DCC: variants seen among roughly 807,000 people sequenced by gnomAD.
DCC encodes netrin receptor DCC.
In DCC, 58 loss-of-function variants were observed where a neutral mutation model predicts 172.5. The observed-to-expected ratio is 0.34, with a 90% CI of 0.27 to 0.42. The LOEUF is 0.42. DCC is among the 10% of genes least tolerant of loss of function. The pLI is 1.00. For synonymous variants in DCC, 709 were observed against 644.5 expected (o/e 1.10, Z -1.52); for missense variants, 1,740 against 1,791.0 (o/e 0.97, Z 0.51).
At chr18:53,078,902 A>G (rs2042760401) in intron 7 of DCC, among the ~76,000 whole-genome samples, 1 of 152,182 alleles carries the variant, frequency 6.6e-6, no homozygotes, top group Non-Finnish European at 1.5e-5. Flanking sequence ...AGAAAAGTCC[A>G]ACAGAAAAGC....
chr18:53,014,030 A>G (rs767709641), intron 5 of DCC, among the ~76,000 whole-genome samples: 4 of 152,132 alleles, frequency 2.6e-5, no homozygotes, highest in Non-Finnish European at 4.4e-5. Context: ...TTGTAACCTT[A>G]GTGAGCCATG....
chr18:52,587,895 A>T (rs971400142), intron 1 of DCC, among the ~76,000 whole-genome samples: 7 of 152,184 alleles, frequency 4.6e-5, no homozygotes, highest in Non-Finnish European at 1.0e-4. Context: ...GCAGGAGTGG[A>T]AACCATGGGC....
chr18:52,589,306 G>T (rs2033746603), intron 1 of DCC, among the ~76,000 whole-genome samples: 1 of 152,166 alleles, frequency 6.6e-6, no homozygotes, highest in African/African-American at 2.4e-5. Context: ...AAGCAAAAAA[G>T]AAATTCCAGA....
chr18:52,792,769 T>TTCCATTCC (rs368199512), intron 2 of DCC, among the ~76,000 whole-genome samples: 1 of 134,398 alleles, frequency 7.4e-6, no homozygotes, highest in Non-Finnish European at 1.6e-5. Flanking sequence ...TATTCCATTC[T>TTCCATTCC]ATTCCATTCC....
intron 1 of DCC, among the ~76,000 whole-genome samples, chr18:52,509,547 A>G (rs1374696270): frequency 6.6e-6 from 1 of 152,164 alleles, no homozygotes; most frequent in African/African-American, 2.4e-5. Context: ...TATGAGATGA[A>G]TGTCAGCCCA....
At chr18:53,191,542 T>G (rs1311438145) in intron 9 of DCC, among the ~76,000 whole-genome samples, 1 of 152,212 alleles carries the variant, frequency 6.6e-6, no homozygotes, top group Non-Finnish European at 1.5e-5. Flanking sequence ...TTACATGTAT[T>G]TGTAGCTTAT....
At chr18:53,135,497 T>C (rs1206291224) in intron 7 of DCC, among the ~76,000 whole-genome samples, 2 of 152,156 alleles carry the variant, frequency 1.3e-5, no homozygotes, top group African/African-American at 4.8e-5. Context: ...TATAATTGTC[T>C]AGGATTGCAG....
chr18:52,487,083 C>T (rs866589348), intron 1 of DCC, among the ~76,000 whole-genome samples: 3 of 152,032 alleles, frequency 2.0e-5, no homozygotes, highest in African/African-American at 4.8e-5. Context: ...CTTCCAGATA[C>T]GGTGGAATGG....
chr18:52,628,881 C>T (rs916151708), intron 1 of DCC, among the ~76,000 whole-genome samples: 1 of 152,208 alleles, frequency 6.6e-6, no homozygotes, highest in Non-Finnish European at 1.5e-5. Flanking sequence ...AGTTGGGCAT[C>T]TGTGCAAACT....
chr18:52,590,886 A>C (rs2033784139), intron 1 of DCC, among the ~76,000 whole-genome samples: 3 of 152,248 alleles, frequency 2.0e-5, no homozygotes, highest in Admixed American at 1.3e-4. Flanking sequence ...CCTAGTTAAA[A>C]GACCATTAAG....
chr18:52,403,035 C>T (rs1376539778), intron 1 of DCC, among the ~76,000 whole-genome samples: 1 of 151,930 alleles, frequency 6.6e-6, no homozygotes, highest in Admixed American at 6.6e-5. Context: ...TGACTAATAC[C>T]AAATCATTAA....
Position 53,086,488 on chromosome 18 carries a change from TTTC to T in DCC, c.1261+20332_1261+20334del, listed in dbSNP as rs1220053104. Among the ~76,000 whole-genome samples, 2 of 48,030 alleles carry T rather than the reference TTTC, an allele frequency of 4.2e-5. 1 individual carries two copies. The highest frequency in any genetic ancestry group is 6.9e-4 in the East Asian group (2 of 2,880). The allele number at this position is 48,030 out of a possible 152,430, so 31.5% of individuals were successfully genotyped here. ...TCTTCTTCTTCCTTTCTTCTTCTTC[TTTC>T]TTCTTCTTCCTTTCTTCTTCTTCTT... On this transcript the variant is annotated intron_variant, in intron 7 of 28. Transcript: ENST00000442544.
intron 27 of DCC, among the ~76,000 whole-genome samples, chr18:53,506,106 T>C (rs929288117): frequency 6.6e-6 from 1 of 152,120 alleles, no homozygotes; most frequent in Non-Finnish European, 1.5e-5. Context: ...TTTAGAGAGG[T>C]TGAATACCTT....
At position 53,167,964 on chromosome 18, in the gene DCC, C is replaced by A. The variant is rs140752691; in HGVS notation, c.1418+10452C>A. Among the ~76,000 whole-genome samples, 598 of 152,250 alleles carry A rather than the reference C, an allele frequency of 3.9e-3. 2 individuals carry two copies. The highest frequency in any genetic ancestry group is 6.8e-3 in the Middle Eastern group (2 of 294). ...AGTCAGGAGAAGGTAACTCCAGGCT[C>A]ATCATCACTGGTCATTGAGAAATGC... On this transcript the variant is annotated intron_variant, in intron 8 of 28. Coordinates refer to ENST00000442544, the MANE Select transcript of DCC (RefSeq NM_005215.4).
rs1462755626 is a variant in DCC, at chr18:53,215,554, G to C, written c.1868G>C (p.Ser623Thr). 5.0e-6 allele frequency: 8 copies of C among 1,613,694 alleles called. No individual in the cohort carries two copies. Among genetic ancestry groups the C allele is most frequent in the South Asian group, 3.3e-5 (3 of 91,080 alleles). The change falls in exon 12 of 29, where the codon AGT (serine) becomes ACT (threonine). Residue 623 changes from serine to threonine, a missense_variant. Physicochemically the swap from Ser to Thr is moderately conservative, Grantham distance 58. This residue lies in a region of DCC where 1,732 missense variants were observed against 1,767.4 expected (regional missense o/e 0.98). Coordinates refer to ENST00000442544, the MANE Select transcript of DCC (RefSeq NM_005215.4). ...ITVVTLSDVP[S>T]APPQNVSLEV... ...TTTGTTTGATTCCTTTTAGTGCCAA[G>C]TGCCCCGCCTCAGAACGTCTCCCTG...
chr18:52,618,058 G>A (rs910900349), intron 1 of DCC, among the ~76,000 whole-genome samples: 3 of 152,144 alleles, frequency 2.0e-5, no homozygotes, highest in African/African-American at 7.2e-5. Flanking sequence ...TGTTAAATTA[G>A]AAGGTTGTAC....
rs9945534 is a variant in DCC, at chr18:52,785,921, T to C, written c.412+33547T>C. On this transcript the variant is annotated intron_variant, in intron 2 of 28. Transcript: ENST00000442544. ...GGACAAGTATTTACCATCTTTATAA[T>C]CCTTTCATACTTCCTTTTTGGTGAA... Among the ~76,000 whole-genome samples, 1,162 of 152,188 alleles carry C rather than the reference T, an allele frequency of 7.6e-3. 17 individuals carry two copies. The highest frequency in any genetic ancestry group is 0.026 in the African/African-American group (1,090 of 41,536).
chr18:52,893,947 A>G (rs896933715), intron 2 of DCC, among the ~76,000 whole-genome samples: 1 of 152,138 alleles, frequency 6.6e-6, no homozygotes. Context: ...AGGAGAAAAA[A>G]CATAAGTTTT....
chr18:53,173,677 A>T (rs2055047285), intron 8 of DCC, among the ~76,000 whole-genome samples: 1 of 151,694 alleles, frequency 6.6e-6, no homozygotes, highest in Non-Finnish European at 1.5e-5. Context: ...AGATTCATAA[A>T]GCAAGTCCTG....
Sources: gnomAD v4.1 joint callset for allele counts (sites outside exome capture counted in the v4.1 genomes callset) on GRCh38, gnomAD v4.1.1 for gene constraint, gnomAD v4.1.1 regional missense constraint, MANE v1.5 for transcripts, NCBI Gene and HGNC (gene_info 2026-07-23, HGNC 2026-07-21) for gene names.